NEGR1: variants seen among roughly 807,000 people sequenced by gnomAD.
NEGR1 encodes the protein IgLON family member 4.
In NEGR1, 10 loss-of-function variants were observed where a neutral mutation model predicts 40.9. That is an observed-to-expected ratio of 0.24 (90% CI 0.15 to 0.42). NEGR1 has a LOEUF of 0.42. Ranked by LOEUF, NEGR1 falls within the 10% of genes least tolerant of loss-of-function variation. The pLI, the probability that NEGR1 is intolerant of heterozygous loss-of-function variation, is 1.00. For missense variants in NEGR1, 352 were observed against 438.9 expected (o/e 0.80, Z 1.77); for synonymous variants, 185 against 166.8 (o/e 1.11, Z -0.84).
intron 1 of NEGR1, among the ~76,000 whole-genome samples, chr1:72,086,865 A>G (rs900943049): frequency 6.6e-6 from 1 of 152,162 alleles, no homozygotes. Context: ...TTTTATTTCA[A>G]TGCATATGTC....
intron 1 of NEGR1, among the ~76,000 whole-genome samples, chr1:72,031,300 G>A (rs1646856387): frequency 6.6e-6 from 1 of 152,150 alleles, no homozygotes; most frequent in African/African-American, 2.4e-5. Flanking sequence ...CTGGAGATAG[G>A]GAGGAAGTGG....
chr1:72,158,851 A>G (rs1651455208), intron 1 of NEGR1, among the ~76,000 whole-genome samples: 2 of 152,200 alleles, frequency 1.3e-5, no homozygotes, highest in Admixed American at 1.3e-4. Flanking sequence ...TATGATGACT[A>G]TAATTGAAAT....
intron 6 of NEGR1, among the ~76,000 whole-genome samples, chr1:71,414,795 A>G (rs1206065884): frequency 6.6e-6 from 1 of 152,134 alleles, no homozygotes; most frequent in Non-Finnish European, 1.5e-5. Flanking sequence ...GGACCAATGT[A>G]GAGATTTTCT....
intron 2 of NEGR1, among the ~76,000 whole-genome samples, chr1:71,873,813 A>G (rs1660348742): frequency 6.6e-6 from 1 of 152,146 alleles, no homozygotes. Flanking sequence ...GAGCATTTGG[A>G]TGTGGTTGAA....
At chr1:71,868,071 T>G (rs1425601279) in intron 2 of NEGR1, among the ~76,000 whole-genome samples, 1 of 152,198 alleles carries the variant, frequency 6.6e-6, no homozygotes, top group Non-Finnish European at 1.5e-5. Flanking sequence ...TTTTGGTCAA[T>G]GTCTTCCTTT....
chr1:72,062,453 T>C (rs2821268), intron 1 of NEGR1, among the ~76,000 whole-genome samples: 149,374 of 152,016 alleles, frequency 0.98, 73,458 homozygotes, highest in Middle Eastern at 1. Flanking sequence ...TATCTCTCTT[T>C]GAAGAGGAAA....
At chr1:72,014,245 CTTGA>C (rs1180618916) in intron 1 of NEGR1, among the ~76,000 whole-genome samples, 1 of 151,858 alleles carries the variant, frequency 6.6e-6, no homozygotes, top group Non-Finnish European at 1.5e-5. Context: ...CAAACATTAT[CTTGA>C]TTAATAATCT....
intron 2 of NEGR1, among the ~76,000 whole-genome samples, chr1:71,824,211 T>C (rs1570397373): frequency 6.6e-6 from 1 of 152,112 alleles, no homozygotes; most frequent in Middle Eastern, 3.4e-3. Context: ...ATGGTAGATA[T>C]TTGTTCAGAA....
chr1:72,278,271 A>C (rs2100568483), intron 1 of NEGR1, among the ~76,000 whole-genome samples: 1 of 152,260 alleles, frequency 6.6e-6, no homozygotes, highest in South Asian at 2.1e-4. Context: ...TTCTTCGATT[A>C]AAGCATGACA....
chr1:72,271,214 T>G (rs1186301380), intron 1 of NEGR1, among the ~76,000 whole-genome samples: 1 of 151,978 alleles, frequency 6.6e-6, no homozygotes, highest in African/African-American at 2.4e-5. Flanking sequence ...GAATTAATAA[T>G]TGTTGAACAA....
At chr1:71,409,082 T>C (rs1486186912) in intron 6 of NEGR1, 1 of 151,994 alleles carries the variant, frequency 6.6e-6, no homozygotes, top group African/African-American at 2.4e-5. Flanking sequence ...ATTTAATGCA[T>C]GTGTATAATT....
Position 71,399,402 on chromosome 1 carries a change from A to T in NEGR1, c.*8044T>A, listed in dbSNP as rs1033703065. The T allele has an allele frequency of 6.6e-6, 1 of 152,128 alleles. No individual in the cohort carries two copies. Among genetic ancestry groups the T allele is most frequent in the African/African-American group, 2.4e-5 (1 of 41,430 alleles). The allele number at this position is 152,128 out of a possible 1,614,324, so 9.4% of individuals were successfully genotyped here. On this transcript the variant is annotated 3_prime_UTR_variant, in exon 7 of 7. Coordinates refer to ENST00000357731, the MANE Select transcript of NEGR1 (RefSeq NM_173808.3). ...ATTACAAGAAATTAATTTATTCCAA[A>T]TTTTTTTAAAAATCTGCTTTTCTCC...
At chr1:72,084,533 T>A (rs1648133328) in intron 1 of NEGR1, among the ~76,000 whole-genome samples, 1 of 152,230 alleles carries the variant, frequency 6.6e-6, no homozygotes, top group Admixed American at 6.5e-5. Context: ...TTTTGCTATG[T>A]ATCCCTGTAT....
At chr1:72,263,325 G>A (rs1006807259) in intron 1 of NEGR1, among the ~76,000 whole-genome samples, 1 of 151,586 alleles carries the variant, frequency 6.6e-6, no homozygotes, top group African/African-American at 2.4e-5. Context: ...CTTACATGCT[G>A]TAGGCATCAG....
intron 6 of NEGR1, among the ~76,000 whole-genome samples, chr1:71,580,874 C>T (rs1191556946): frequency 6.6e-6 from 1 of 152,026 alleles, no homozygotes; most frequent in Non-Finnish European, 1.5e-5. Flanking sequence ...TCCTTTATAG[C>T]CATTCAAGTA....
At chr1:71,753,694 T>C (rs1284337324) in intron 3 of NEGR1, among the ~76,000 whole-genome samples, 1 of 152,168 alleles carries the variant, frequency 6.6e-6, no homozygotes, top group Non-Finnish European at 1.5e-5. Context: ...GAGCTGTCAT[T>C]GTTTCTTTAA....
chr1:72,091,808 C>A (rs1187607672), intron 1 of NEGR1, among the ~76,000 whole-genome samples: 1 of 152,032 alleles, frequency 6.6e-6, no homozygotes, highest in African/African-American at 2.4e-5. Flanking sequence ...CACAGAAGTC[C>A]AATATCAAGA....
chr1:71,854,446 C>T (rs1659700423), intron 2 of NEGR1, among the ~76,000 whole-genome samples: 1 of 151,824 alleles, frequency 6.6e-6, no homozygotes, highest in African/African-American at 2.4e-5. Context: ...TAATACAGCA[C>T]CTGATATTTA....
At chr1:71,461,343 T>C (rs1281911053) in intron 6 of NEGR1, among the ~76,000 whole-genome samples, 1 of 152,186 alleles carries the variant, frequency 6.6e-6, no homozygotes, top group Non-Finnish European at 1.5e-5. Flanking sequence ...TTCTAAATGA[T>C]TGTCTTTAAG....
Sources: allele counts gnomAD v4.1 joint callset (sites outside exome capture counted in the v4.1 genomes callset), GRCh38; gene constraint gnomAD v4.1.1; transcripts MANE v1.5; gene names NCBI Gene and HGNC (gene_info 2026-07-23, HGNC 2026-07-21).